The following CNTN5 variants were observed in gnomAD, a reference collection of about 807,000 sequenced individuals.
CNTN5 encodes contactin 5.
CNTN5 carries 77 observed loss-of-function variants against 129.1 expected under a neutral mutation model. That is an observed-to-expected ratio of 0.60 (90% CI 0.50 to 0.72). CNTN5 has a LOEUF of 0.72. Among genes scored for constraint, CNTN5 ranks in the 30% least tolerant of loss-of-function variants. The pLI is 0.00. For synonymous variants in CNTN5, 509 were observed against 465.6 expected, an observed-to-expected ratio of 1.09 and a Z score of -1.20; for missense variants, 1,478 against 1,328.8, an observed-to-expected ratio of 1.11 and a Z score of -1.75.
rs12420016 is a variant in CNTN5 at position 99,481,480 on chromosome 11, C to G, written c.-70-74665C>G. Among the ~76,000 whole-genome samples, 250 of 152,236 alleles carry G rather than the reference C, an allele frequency of 1.6e-3. 1 individual carries two copies. Among genetic ancestry groups the G allele is most frequent in the East Asian group, 0.016 (81 of 5,180 alleles). On this transcript the variant is annotated intron_variant, in intron 2 of 24. Coordinates refer to ENST00000524871, the MANE Select transcript of CNTN5 (RefSeq NM_014361.4). ...ATCCCTAGCATCCTGCACTGGTGATCAGTAAAATACATTGACTTTTAATGA... is the reference window on the plus strand; with the variant it reads ...ATCCCTAGCATCCTGCACTGGTGATGAGTAAAATACATTGACTTTTAATGA...
intron 2 of CNTN5, among the ~76,000 whole-genome samples, chr11:99,479,486 A>C (rs1400696020): frequency 1.3e-5 from 2 of 152,070 alleles, no homozygotes; most frequent in East Asian, 3.8e-4. Context: ...AAATGCAGGA[A>C]ACTAGATAAT....
chr11:99,194,289 A>C (rs1858792413), intron 1 of CNTN5, among the ~76,000 whole-genome samples: 1 of 152,134 alleles, frequency 6.6e-6, no homozygotes, highest in Non-Finnish European at 1.5e-5. Flanking sequence ...AAAGAGATAA[A>C]AGTAGCACAT....
At chr11:100,166,327 T>C (rs1461255029) in intron 13 of CNTN5, among the ~76,000 whole-genome samples, 2 of 151,774 alleles carry the variant, frequency 1.3e-5, no homozygotes, top group Non-Finnish European at 2.9e-5. Flanking sequence ...AGTAGATGAT[T>C]ACTGCCCCCG....
intron 9 of CNTN5, among the ~76,000 whole-genome samples, chr11:100,022,032 A>T (rs1393957760): frequency 2.0e-5 from 3 of 152,130 alleles, no homozygotes; most frequent in East Asian, 3.9e-4. Context: ...GGTGCCCACC[A>T]CATTGTGGGT....
chr11:99,864,014 T>C (rs1948287487), intron 6 of CNTN5, among the ~76,000 whole-genome samples: 1 of 152,168 alleles, frequency 6.6e-6, no homozygotes, highest in Non-Finnish European at 1.5e-5. Flanking sequence ...GGGAAAGACA[T>C]GTGAGTCTAA....
intron 1 of CNTN5, among the ~76,000 whole-genome samples, chr11:99,183,044 A>C (rs1858161313): frequency 6.6e-6 from 1 of 152,146 alleles, no homozygotes; most frequent in African/African-American, 2.4e-5. Context: ...TTGTTGAATC[A>C]ATGACTGCTT....
At chr11:99,748,083 C>T (rs1208805278) in intron 3 of CNTN5, among the ~76,000 whole-genome samples, 2 of 152,040 alleles carry the variant, frequency 1.3e-5, no homozygotes, top group South Asian at 4.1e-4. Flanking sequence ...GTGAATTATC[C>T]TTTTAATGTG....
chr11:99,964,728 G>A (rs1951047195), intron 8 of CNTN5, among the ~76,000 whole-genome samples: 1 of 152,184 alleles, frequency 6.6e-6, no homozygotes, highest in Admixed American at 6.5e-5. Context: ...AGTTTCAGAA[G>A]GCATGGTACC....
At chr11:99,274,015 A>G in intron 1 of CNTN5, among the ~76,000 whole-genome samples, 1 of 151,756 alleles carries the variant, frequency 6.6e-6, no homozygotes, top group East Asian at 1.9e-4. Flanking sequence ...ACTAATTAAA[A>G]TTAAATAAAA....
At chr11:99,129,900 G>A (rs1223394311) in intron 1 of CNTN5, among the ~76,000 whole-genome samples, 1 of 152,116 alleles carries the variant, frequency 6.6e-6, no homozygotes. Context: ...ATCCTTTTCA[G>A]GCAAGCAAAT....
At chr11:99,293,189 G>A (rs373412113) in intron 1 of CNTN5, among the ~76,000 whole-genome samples, 12 of 152,048 alleles carry the variant, frequency 7.9e-5, no homozygotes, top group Non-Finnish European at 8.8e-5. Flanking sequence ...ATGATCATAC[G>A]ATTTTTATCC....
intron 2 of CNTN5, among the ~76,000 whole-genome samples, chr11:99,469,116 A>G (rs1466433930): frequency 6.6e-6 from 1 of 152,164 alleles, no homozygotes; most frequent in Non-Finnish European, 1.5e-5. Context: ...TGTAAGTTAA[A>G]TGTAGTATTT....
At chr11:99,935,384 G>T (rs186647672) in intron 7 of CNTN5, among the ~76,000 whole-genome samples, 1 of 151,488 alleles carries the variant, frequency 6.6e-6, no homozygotes, top group African/African-American at 2.4e-5. Context: ...TTTTTTCACC[G>T]AGCATTATAT....
chr11:100,115,115 T>A (rs1326982466), intron 13 of CNTN5, among the ~76,000 whole-genome samples: 109 of 78,326 alleles, frequency 1.4e-3, no homozygotes, highest in African/African-American at 1.6e-3. Flanking sequence ...AGGTATACAG[T>A]AAAAAAAAAA....
rs1480921472 is a variant in CNTN5, at chr11:99,368,041, C to T, written c.-71+42557C>T. 2.0e-5 allele frequency among the ~76,000 whole-genome samples: 3 copies of T among 152,042 alleles called. No individual in the cohort carries two copies. In the East Asian group the frequency reaches 5.8e-4, roughly 29 times the overall value. Reference sequence around the variant, plus strand: ...AGCAGCTTGCAATAGACATTTGGACCTTATCTTTCATCTTTCAAGATCCTA... The same window carrying T: ...AGCAGCTTGCAATAGACATTTGGACTTTATCTTTCATCTTTCAAGATCCTA... On this transcript the variant is annotated intron_variant, in intron 2 of 24. Transcript: ENST00000524871.
intron 2 of CNTN5, among the ~76,000 whole-genome samples, chr11:99,403,606 A>G (rs1182713332): frequency 6.6e-6 from 1 of 152,066 alleles, no homozygotes; most frequent in Non-Finnish European, 1.5e-5. Context: ...TAATTTCTTT[A>G]TGGACCCACT....
At chr11:99,693,035 G>A (rs1954106271) in intron 3 of CNTN5, among the ~76,000 whole-genome samples, 1 of 151,974 alleles carries the variant, frequency 6.6e-6, no homozygotes, top group Non-Finnish European at 1.5e-5. Flanking sequence ...AAAACAGGAA[G>A]TACATATAAA....
chr11:99,745,072 G>A (rs964017318), intron 3 of CNTN5, among the ~76,000 whole-genome samples: 3 of 152,070 alleles, frequency 2.0e-5, no homozygotes, highest in Admixed American at 6.6e-5. Flanking sequence ...GTCTTGCTTG[G>A]CATTTCAGCA....
intron 1 of CNTN5, among the ~76,000 whole-genome samples, chr11:99,325,045 T>C (rs1481758077): frequency 6.6e-6 from 1 of 152,088 alleles, no homozygotes; most frequent in South Asian, 2.1e-4. Flanking sequence ...AAGCTTGGAA[T>C]GGTGGTATAA....
Sources: gnomAD v4.1 joint callset for allele counts (sites outside exome capture counted in the v4.1 genomes callset) on GRCh38, gnomAD v4.1.1 for gene constraint, MANE v1.5 for transcripts, NCBI Gene and HGNC (gene_info 2026-07-23, HGNC 2026-07-21) for gene names.